SPATA6L: variants seen among roughly 807,000 people sequenced by gnomAD.
The protein encoded by SPATA6L is spermatogenesis associated 6 like.
SPATA6L carries 68 observed loss-of-function variants against 49.2 expected under a neutral mutation model. The ratio of observed to expected loss-of-function variants is 1.38; its 90% CI spans 1.14 to 1.69. The LOEUF (loss-of-function observed/expected upper bound fraction) is 1.69, where lower values mean the gene tolerates loss of function less well. SPATA6L is among the 40% of genes most tolerant of loss of function. The probability of loss-of-function intolerance (pLI) is 0.00; values close to 1 mark genes in which losing one functional copy is unlikely to be tolerated. For missense variants in SPATA6L, 668 were observed against 464.3 expected, an observed-to-expected ratio of 1.44 and a Z score of -4.03; for synonymous variants, 198 against 165.7, an observed-to-expected ratio of 1.19 and a Z score of -1.50.
chr9:4,659,719 A>C (rs1278723862), intron 2 of SPATA6L, among the ~76,000 whole-genome samples: 1 of 152,202 alleles, frequency 6.6e-6, no homozygotes, highest in Non-Finnish European at 1.5e-5. Context: ...CCGCATTGCC[A>C]AGACAATCCT....
intron 9 of SPATA6L, among the ~76,000 whole-genome samples, chr9:4,609,481 C>T (rs1336214643): frequency 6.6e-6 from 1 of 152,170 alleles, no homozygotes; most frequent in Non-Finnish European, 1.5e-5. Flanking sequence ...GGATGCAAGG[C>T]TAGTTCAATA....
chr9:4,601,480 A>G (rs533434698), intron 11 of SPATA6L, among the ~76,000 whole-genome samples: 1 of 152,178 alleles, frequency 6.6e-6, no homozygotes, highest in African/African-American at 2.4e-5. Context: ...GTCCCAAAAG[A>G]TCCAGAAATA....
At chr9:4,621,527 TG>T (rs1829298818) in intron 7 of SPATA6L, among the ~76,000 whole-genome samples, 1 of 152,052 alleles carries the variant, frequency 6.6e-6, no homozygotes, top group African/African-American at 2.4e-5. Flanking sequence ...TCACTCTTGT[TG>T]CCCAGGCTGA....
intron 3 of SPATA6L, among the ~76,000 whole-genome samples, chr9:4,650,794 G>T (rs1054194657): frequency 2.0e-5 from 3 of 151,304 alleles, no homozygotes; most frequent in African/African-American, 4.9e-5. Flanking sequence ...CAAGTAGCTA[G>T]GATTACAGGC....
At position 4,662,432 on chromosome 9, in the gene SPATA6L, C is replaced by T; in HGVS notation, c.40-396G>A. The T allele has an allele frequency of 6.5e-7, 1 of 1,537,114 alleles. No homozygotes were observed. Among genetic ancestry groups the T allele is most frequent in the Non-Finnish European group, 8.7e-7 (1 of 1,149,950 alleles). ...GGCCGCTGGGCGTCTCCGCTTCGAG[C>T]AGCAGCAGCAGCCCCGGCAGCCCAG... On this transcript the variant is annotated intron_variant, in intron 1 of 11. Transcript: ENST00000682582. This position sits in a 1 kb window ranked among gnomAD's most constrained non-coding sequence, Gnocchi z 4.9.
At position 4,650,824 on chromosome 9, in the gene SPATA6L, TTGTGTGTGTGTGTGTG is replaced by T. The variant is rs59184426; in HGVS notation, c.226+5201_226+5216del. 1.5e-3 allele frequency among the ~76,000 whole-genome samples: 201 copies of T among 137,142 alleles called. 2 individuals carry two copies. The highest frequency in any genetic ancestry group is 4.4e-3 in the African/African-American group (160 of 36,762). 90.0% of individuals were successfully genotyped at this position (137,142 alleles called of 152,430 possible). A position where few individuals can be genotyped will look rare whatever the true frequency, so the allele number is the denominator to read the frequency against. On this transcript the variant is annotated intron_variant, in intron 3 of 11. Coordinates refer to ENST00000682582, the MANE Select transcript of SPATA6L (RefSeq NM_001353486.2). ...ACAGGCAAGCACCACCAAACCCAGC[TTGTGTGTGTGTGTGTG>T]TGTGTGTGTGTGTGTGTGTGTGTGT...
At chr9:4,621,026 T>C (rs1829176049) in intron 7 of SPATA6L, among the ~76,000 whole-genome samples, 1 of 152,216 alleles carries the variant, frequency 6.6e-6, no homozygotes, top group Admixed American at 6.5e-5. Flanking sequence ...CTGGCTTAAG[T>C]TTCCATAAGA....
intron 9 of SPATA6L, among the ~76,000 whole-genome samples, chr9:4,613,294 G>C (rs1034871038): frequency 6.6e-6 from 1 of 151,982 alleles, no homozygotes; most frequent in Admixed American, 6.6e-5. Context: ...GTAAACACTG[G>C]AAATGACAGG....
At chr9:4,658,914 C>A (rs1246398567) in intron 2 of SPATA6L, among the ~76,000 whole-genome samples, 2 of 144,322 alleles carry the variant, frequency 1.4e-5, no homozygotes, top group African/African-American at 5.2e-5. Flanking sequence ...CTTGCCACTG[C>A]ACTCCAGCCT....
rs1307861337 is a variant in SPATA6L at position 4,662,832 on chromosome 9, T to G, written c.40-796A>C. The G allele has an allele frequency of 6.2e-7, 1 of 1,605,252 alleles. No individual in the cohort carries two copies. Among genetic ancestry groups the G allele is most frequent in the Non-Finnish European group, 8.5e-7 (1 of 1,179,948 alleles). On this transcript the variant is annotated intron_variant, in intron 1 of 11. Transcript: ENST00000682582. This position sits in a 1 kb window ranked among gnomAD's most constrained non-coding sequence, Gnocchi z 4.9. ...CCCCTGGCTGCTGGGCACCCTCTAC[T>G]GCCTGTGCAGGAGCGACAGCTGGGC...
chr9:4,643,610 T>C (rs904631919), intron 3 of SPATA6L, among the ~76,000 whole-genome samples: 1 of 152,104 alleles, frequency 6.6e-6, no homozygotes, highest in Non-Finnish European at 1.5e-5. Context: ...CAGGTAATAA[T>C]GTAAAGTAAG....
At chr9:4,632,264 C>CT (rs915376887) in intron 4 of SPATA6L, among the ~76,000 whole-genome samples, 9 of 151,536 alleles carry the variant, frequency 5.9e-5, no homozygotes, top group African/African-American at 1.9e-4. Flanking sequence ...AGTGATGGCT[C>CT]TTTTTTGTGG....
intron 3 of SPATA6L, among the ~76,000 whole-genome samples, chr9:4,650,936 A>G (rs997480761): frequency 2.6e-5 from 4 of 151,750 alleles, no homozygotes; most frequent in Non-Finnish European, 5.9e-5. Context: ...TCCTGAGCTC[A>G]AGTGATCTGC....
intron 3 of SPATA6L, among the ~76,000 whole-genome samples, chr9:4,649,001 T>G (rs1836161094): frequency 1.3e-5 from 2 of 152,076 alleles, no homozygotes; most frequent in South Asian, 4.1e-4. Context: ...GCTAATGCCA[T>G]TAATTCATTC....
chr9:4,652,381 C>G (rs2082210263), intron 3 of SPATA6L, among the ~76,000 whole-genome samples: 1 of 151,996 alleles, frequency 6.6e-6, no homozygotes, highest in African/African-American at 2.4e-5. Flanking sequence ...GAATGAAACT[C>G]TGTCTCAAAC....
chr9:4,597,275 G>A (rs1442966842), downstream of SPATA6L, among the ~76,000 whole-genome samples: 1 of 151,514 alleles, frequency 6.6e-6, no homozygotes, highest in Non-Finnish European at 1.5e-5. Context: ...AATATAGGGA[G>A]ACTCCTTCTC....
intron 4 of SPATA6L, among the ~76,000 whole-genome samples, chr9:4,630,055 A>C (rs1831208120): frequency 6.6e-6 from 1 of 151,994 alleles, no homozygotes; most frequent in Non-Finnish European, 1.5e-5. Flanking sequence ...CCAGTCTCAA[A>C]AGGTTACAGA....
At chr9:4,594,753 G>C (rs949319405), downstream of SPATA6L, among the ~76,000 whole-genome samples, 4 of 152,108 alleles carry the variant, frequency 2.6e-5, no homozygotes, top group South Asian at 8.3e-4. Flanking sequence ...ACTGGACATG[G>C]TGTACTCCTG....
intron 5 of SPATA6L, 27 bp downstream of exon 5, chr9:4,629,064 C>T (rs1435074263): frequency 6.7e-7 from 1 of 1,495,532 alleles, no homozygotes; most frequent in East Asian, 2.3e-5. Flanking sequence ...CCGGTCATTT[C>T]TATCACTAGA....
Sources: gnomAD v4.1 joint callset for allele counts (sites outside exome capture counted in the v4.1 genomes callset) on GRCh38, gnomAD v4.1.1 for gene constraint, Gnocchi (gnomAD v3.1) non-coding constraint, MANE v1.5 for transcripts, NCBI Gene and HGNC (gene_info 2026-07-23, HGNC 2026-07-21) for gene names.